The following PHLDB2 variants were observed in gnomAD, a reference collection of about 807,000 sequenced individuals.
PHLDB2 encodes pleckstrin homology like domain family B member 2, also known as pleckstrin homology-like domain family B member 2.
A neutral mutation model predicts 123.6 loss-of-function variants in PHLDB2; 71 were observed. The observed-to-expected ratio is 0.57, with a 90% CI of 0.47 to 0.70. The LOEUF (loss-of-function observed/expected upper bound fraction) is 0.70. Among genes scored for constraint, PHLDB2 ranks in the 30% least tolerant of loss-of-function variants. The pLI is 0.00. For missense variants in PHLDB2, 1,446 were observed against 1,519.5 expected (o/e 0.95, Z 0.80); for synonymous variants, 547 against 541.6 (o/e 1.01, Z -0.14).
chr3:111,856,279 A>G (rs552300988), upstream of PHLDB2, among the ~76,000 whole-genome samples: 174 of 152,324 alleles, frequency 1.1e-3, no homozygotes, highest in Non-Finnish European at 2.0e-3. Context: ...TTATACAGAA[A>G]TATCCCCTAG....
rs1486396316 is a variant in PHLDB2 at position 111,884,974 on chromosome 3, C to A, written c.897C>A (p.Asp299Glu). ...KDLPHSVIDN[D>E]NYLNFSSLSS... ...TACCTCATAGCGTAATAGACAATGA[C>A]AATTACCTTAATTTTTCTTCTTTGA... The change falls in exon 2 of 18, where the codon GAC (aspartate) becomes GAA (glutamate). Residue 299 changes from aspartate to glutamate, a missense_variant. Transcript: ENST00000431670. 8 of 1,613,980 alleles carry A rather than the reference C, an allele frequency of 5.0e-6. No homozygotes were observed. The highest frequency in any genetic ancestry group is 6.8e-6 in the Non-Finnish European group (8 of 1,180,006).
At chr3:111,744,800 A>G (rs549189512) in intron 1 of PHLDB2, among the ~76,000 whole-genome samples, 212 of 152,306 alleles carry the variant, frequency 1.4e-3, no homozygotes, top group Middle Eastern at 3.4e-3. Flanking sequence ...ATATCTTAAC[A>G]TCAAAGTGAA....
At chr3:111,956,692 C>T (rs555518991) in intron 12 of PHLDB2, among the ~76,000 whole-genome samples, 1 of 152,136 alleles carries the variant, frequency 6.6e-6, no homozygotes, top group East Asian at 1.9e-4. Flanking sequence ...GCCTTTGGCT[C>T]CCCTACCCAG....
chr3:111,898,188 G>GTGTGTGTT (rs1553747100), intron 2 of PHLDB2, among the ~76,000 whole-genome samples: 3 of 146,310 alleles, frequency 2.1e-5, no homozygotes, highest in African/African-American at 8.1e-5. Context: ...GTGTTTGTGT[G>GTGTGTGTT]TGTGTGTGTG....
At chr3:111,807,211 A>C (rs1480903304) in intron 1 of PHLDB2, among the ~76,000 whole-genome samples, 1 of 152,120 alleles carries the variant, frequency 6.6e-6, no homozygotes, top group Non-Finnish European at 1.5e-5. Context: ...TGTCTAATGC[A>C]TAGCTCTGTT....
At chr3:111,770,772 G>C (rs1314646023) in intron 1 of PHLDB2, among the ~76,000 whole-genome samples, 7 of 152,202 alleles carry the variant, frequency 4.6e-5, no homozygotes, top group Non-Finnish European at 7.3e-5. Flanking sequence ...CTCAGTTGAA[G>C]ATTTTGCCAG....
chr3:111,904,549 T>C (rs1156881107), intron 2 of PHLDB2, among the ~76,000 whole-genome samples: 1 of 152,128 alleles, frequency 6.6e-6, no homozygotes, highest in Non-Finnish European at 1.5e-5. Flanking sequence ...ATGGAAGTAC[T>C]GAGCATTAGC....
chr3:111,827,060 A>C (rs942758854), intron 1 of PHLDB2, among the ~76,000 whole-genome samples: 1 of 152,206 alleles, frequency 6.6e-6, no homozygotes, highest in African/African-American at 2.4e-5. Flanking sequence ...GAAAGGAAAA[A>C]CAAACAAAAA....
At chr3:111,760,624 T>G (rs1292519889) in intron 1 of PHLDB2, among the ~76,000 whole-genome samples, 2 of 152,000 alleles carry the variant, frequency 1.3e-5, no homozygotes, top group Admixed American at 1.3e-4. Flanking sequence ...TTCTGGGGAG[T>G]GAACTAGAAG....
At chr3:111,868,327 T>C (rs2065181229) in intron 1 of PHLDB2, among the ~76,000 whole-genome samples, 2 of 152,154 alleles carry the variant, frequency 1.3e-5, no homozygotes, top group African/African-American at 4.8e-5. Context: ...GCTTCATACA[T>C]TGTAAAAAAT....
intron 3 of PHLDB2, chr3:111,917,612 T>C (rs1002844698): frequency 1.3e-5 from 2 of 152,218 alleles, no homozygotes; most frequent in African/African-American, 4.8e-5. Context: ...GTTGTTTTAT[T>C]AGTTGATAAG....
Position 111,761,442 on chromosome 3 carries a change from T to C in PHLDB2, c.-49+28739T>C, listed in dbSNP as rs534555335. Reference sequence around the variant, plus strand: ...TGATTCAGAAAGGAACTGACACTGTTGATGAAATTTATCACACAAGATGGG... The same window carrying C: ...TGATTCAGAAAGGAACTGACACTGTCGATGAAATTTATCACACAAGATGGG... On this transcript the variant is annotated intron_variant, in intron 1 of 17. Coordinates refer to the PHLDB2 transcript ENST00000393923. Among the ~76,000 whole-genome samples the C allele has an allele frequency of 1.3e-4, 20 of 152,322 alleles. No individual in the cohort carries two copies. In the South Asian group the frequency reaches 2.5e-3, roughly 19 times the overall value.
At chr3:111,857,667 T>TA (rs933613152), upstream of PHLDB2, among the ~76,000 whole-genome samples, 3 of 151,998 alleles carry the variant, frequency 2.0e-5, no homozygotes, top group Non-Finnish European at 4.4e-5. Flanking sequence ...AGAATTCCTC[T>TA]AAAAAACCCG....
chr3:111,760,182 A>G (rs1351988096), intron 1 of PHLDB2, among the ~76,000 whole-genome samples: 5 of 152,250 alleles, frequency 3.3e-5, no homozygotes, highest in South Asian at 2.1e-4. Context: ...TATGTCCACA[A>G]TGAATTAAAG....
chr3:111,823,690 G>A (rs765864330), intron 1 of PHLDB2, among the ~76,000 whole-genome samples: 1 of 152,120 alleles, frequency 6.6e-6, no homozygotes, highest in South Asian at 2.1e-4. Flanking sequence ...GTACAATCAC[G>A]ATCAGTATGT....
chr3:111,860,076 A>G (rs1399349574), intron 1 of PHLDB2, among the ~76,000 whole-genome samples: 1 of 151,822 alleles, frequency 6.6e-6, no homozygotes, highest in Non-Finnish European at 1.5e-5. Context: ...GGTAGGGAAG[A>G]TGCTTCCAGA....
chr3:111,831,017 G>GAAAGAAAGAAAGA lies in PHLDB2; in HGVS notation c.-48-14801_-48-14789dup, dbSNP rs1559855292. 1.5e-4 allele frequency among the ~76,000 whole-genome samples: 17 copies of GAAAGAAAGAAAGA among 109,818 alleles called. 1 individual carries two copies. The highest frequency in any genetic ancestry group is 1.8e-4 in the African/African-American group (4 of 22,752). 72.0% of individuals were successfully genotyped at this position (109,818 alleles called of 152,430 possible). Reference sequence around the variant, plus strand: ...AGAAAGAAAGAAAGAAAGAAAGAAAGAAAGAAAGAAAGAAAGGAAGGAAGG... The same window carrying GAAAGAAAGAAAGA: ...AGAAAGAAAGAAAGAAAGAAAGAAAGAAAGAAAGAAAGAAAAGAAAGAAAGAAAGGAAGGAAGG... On this transcript the variant is annotated intron_variant, in intron 1 of 17. Transcript: ENST00000393923.
intron 6 of PHLDB2, 48 bp downstream of exon 6, chr3:111,932,445 T>C: frequency 1.3e-6 from 2 of 1,520,990 alleles, no homozygotes; most frequent in Non-Finnish European, 1.8e-6. Flanking sequence ...TTCGTTTTTG[T>C]TTTTCACTTA....
At chr3:111,786,815 C>A (rs566152362) in intron 1 of PHLDB2, among the ~76,000 whole-genome samples, 31 of 152,218 alleles carry the variant, frequency 2.0e-4, no homozygotes, top group South Asian at 1.7e-3. Context: ...TCCTATAATT[C>A]TATGTTTAAT....
Sources: allele counts gnomAD v4.1 joint callset (sites outside exome capture counted in the v4.1 genomes callset), GRCh38; gene constraint gnomAD v4.1.1; transcripts MANE v1.5; gene names NCBI Gene and HGNC (gene_info 2026-07-23, HGNC 2026-07-21).